Variants in PIBF1 observed in about 807,000 individuals in gnomAD.
The protein encoded by PIBF1 is progesterone immunomodulatory binding factor 1, also known as progesterone-induced-blocking factor 1.
PIBF1 carries 90 observed loss-of-function variants against 112.5 expected under a neutral mutation model. The observed-to-expected ratio is 0.80, with a 90% CI of 0.67 to 0.95. PIBF1 has a LOEUF of 0.95. Ranked by LOEUF, PIBF1 falls within the 40% of genes least tolerant of loss-of-function variation. The pLI is 0.00. For missense variants in PIBF1, 915 were observed against 852.3 expected (o/e 1.07, Z -0.92); for synonymous variants, 301 against 288.6 (o/e 1.04, Z -0.44).
rs1332072683 is a variant in PIBF1 at position 72,965,406 on chromosome 13, T to G, written c.1964+2T>G. 1 of 1,600,244 alleles carries G rather than the reference T, an allele frequency of 6.2e-7. No individual in the cohort carries two copies. The stretch of plus-strand genomic sequence containing the variant: ...TGCACAACTTGAGAAAGATGTCAGG[T>G]AAACCATCTACAAATCTTTTATTTG... On this transcript the variant is annotated splice_donor_variant, in intron 15 of 17. Transcript: ENST00000326291. LOFTEE classifies it high-confidence loss of function.
At chr13:72,835,194 T>C in intron 8 of PIBF1, 49 bp from the exon 9 acceptor site, 1 of 1,438,464 alleles carries the variant, frequency 7.0e-7, no homozygotes, top group Non-Finnish European at 9.3e-7. Flanking sequence ...TGCAAAAGCC[T>C]ATTTGTTTCA....
At chr13:72,997,283 C>T (rs1004371046) in intron 16 of PIBF1, among the ~76,000 whole-genome samples, 1 of 152,140 alleles carries the variant, frequency 6.6e-6, no homozygotes, top group East Asian at 1.9e-4. Flanking sequence ...TGAAATCTAC[C>T]ATAACACCAT....
Position 73,010,229 on chromosome 13 carries a change from GTT to G in PIBF1, c.2224-5622_2224-5621del, listed in dbSNP as rs35486011. Among the ~76,000 whole-genome samples the G allele has an allele frequency of 1.1e-3, 133 of 123,536 alleles. 1 individual carries two copies. Among genetic ancestry groups the G allele is most frequent in the African/African-American group, 2.9e-3 (94 of 32,784 alleles). 81.0% of individuals were successfully genotyped at this position (123,536 alleles called of 152,430 possible). On this transcript the variant is annotated intron_variant, in intron 17 of 17. Transcript: ENST00000326291. ...CAATACTCTAATATTTTCTATGCTA[GTT>G]TTTTTTTTTTTTTTTTTCTAAATTC...
chr13:72,858,012 A>T (rs1487673190), intron 10 of PIBF1, among the ~76,000 whole-genome samples: 1 of 58,870 alleles, frequency 1.7e-5, no homozygotes, highest in East Asian at 5.4e-4. Flanking sequence ...TATCAGAAGT[A>T]CAAATGTACA....
At chr13:72,924,818 T>C (rs1412886290) in intron 13 of PIBF1, among the ~76,000 whole-genome samples, 2 of 152,208 alleles carry the variant, frequency 1.3e-5, no homozygotes, top group Admixed American at 1.3e-4. Flanking sequence ...TGCATCTGTT[T>C]AGGGAGAAAT....
intron 13 of PIBF1, among the ~76,000 whole-genome samples, chr13:72,922,527 G>A (rs1324858159): frequency 6.6e-6 from 1 of 152,026 alleles, no homozygotes; most frequent in East Asian, 1.9e-4. Context: ...ATATGCCTCT[G>A]TGTTTGTTTT....
intron 2 of PIBF1, among the ~76,000 whole-genome samples, chr13:72,791,117 T>C (rs1032299005): frequency 7.2e-5 from 11 of 151,954 alleles, no homozygotes; most frequent in Non-Finnish European, 1.6e-4. Context: ...TGCAGTGGCA[T>C]GATCTCAGCT....
intron 9 of PIBF1, among the ~76,000 whole-genome samples, chr13:72,844,785 A>ACACG (rs1566348678): frequency 3.2e-5 from 4 of 124,988 alleles, no homozygotes; most frequent in African/African-American, 9.0e-5. Context: ...ACACACACAC[A>ACACG]CACACACACA....
intron 3 of PIBF1, 103 bp downstream of exon 3, chr13:72,792,650 T>TATATGA: frequency 1.6e-6 from 1 of 606,840 alleles, no homozygotes. Flanking sequence ...ATAGAGAAAT[T>TATATGA]TTAAGTCAGA....
chr13:72,943,708 A>ACTC (rs1566475509), intron 14 of PIBF1, among the ~76,000 whole-genome samples: 2 of 151,744 alleles, frequency 1.3e-5, no homozygotes, highest in African/African-American at 4.8e-5. Context: ...TTACCTTCGT[A>ACTC]CTCCTCAGTC....
At chr13:72,977,873 A>G (rs1040129459) in intron 16 of PIBF1, among the ~76,000 whole-genome samples, 1 of 152,202 alleles carries the variant, frequency 6.6e-6, no homozygotes, top group Non-Finnish European at 1.5e-5. Flanking sequence ...GCGAGAAAAT[A>G]TATTCAACAA....
rs200719376 is a variant in PIBF1 at position 72,966,177 on chromosome 13, AAGG to A, written c.1964+776_1964+778del. Among the ~76,000 whole-genome samples the A allele has an allele frequency of 8.5e-3, 1,292 of 152,292 alleles. 64 individuals carry two copies. Among genetic ancestry groups the A allele is most frequent in the East Asian group, 9.4e-3 (49 of 5,188 alleles). ...TTAAATCAAGGAATTGGAAAACAAT[AAGG>A]AGAAGATGGTTGTTAAATCCAGGTT... On this transcript the variant is annotated intron_variant, in intron 15 of 17. Coordinates refer to ENST00000326291, the MANE Select transcript of PIBF1 (RefSeq NM_006346.4).
chr13:72,809,648 G>A (rs892899929), intron 5 of PIBF1, among the ~76,000 whole-genome samples: 6 of 134,214 alleles, frequency 4.5e-5, no homozygotes, highest in African/African-American at 1.4e-4. Context: ...GGAGTGCAAT[G>A]GCATGATTTT....
intron 17 of PIBF1, among the ~76,000 whole-genome samples, chr13:73,012,487 A>T (rs1180127676): frequency 6.6e-6 from 1 of 151,816 alleles, no homozygotes; most frequent in Non-Finnish European, 1.5e-5. Context: ...GCACTTTGGG[A>T]GTGTGAGAGG....
At chr13:72,842,137 G>A (rs1218947995) in intron 9 of PIBF1, among the ~76,000 whole-genome samples, 1 of 152,136 alleles carries the variant, frequency 6.6e-6, no homozygotes, top group African/African-American at 2.4e-5. Context: ...TGCATAAGAT[G>A]GCTAGCTTAT....
intron 14 of PIBF1, among the ~76,000 whole-genome samples, chr13:72,950,295 G>A (rs2042262108): frequency 6.6e-6 from 1 of 152,120 alleles, no homozygotes; most frequent in African/African-American, 2.4e-5. Flanking sequence ...TTTATCTAGA[G>A]AGGTGTTTAG....
At chr13:72,964,205 G>A (rs373307109) in intron 14 of PIBF1, among the ~76,000 whole-genome samples, 3 of 152,140 alleles carry the variant, frequency 2.0e-5, no homozygotes, top group African/African-American at 2.4e-5. Context: ...CTTTGAAAAC[G>A]TCACACTAAG....
At chr13:72,947,779 G>A (rs1178738682) in intron 14 of PIBF1, among the ~76,000 whole-genome samples, 8 of 152,074 alleles carry the variant, frequency 5.3e-5, no homozygotes, top group African/African-American at 7.2e-5. Context: ...ATAAAAACAC[G>A]TGTACGCATA....
At chr13:72,802,733 C>T (rs980587516) in intron 5 of PIBF1, among the ~76,000 whole-genome samples, 25 of 151,964 alleles carry the variant, frequency 1.6e-4, no homozygotes, top group Non-Finnish European at 3.7e-4. Flanking sequence ...CAGGTGTGAA[C>T]TTTAGAAGAT....
Sources: gnomAD v4.1 joint callset for allele counts (sites outside exome capture counted in the v4.1 genomes callset) on GRCh38, gnomAD v4.1.1 for gene constraint, MANE v1.5 for transcripts, NCBI Gene and HGNC (gene_info 2026-07-23, HGNC 2026-07-21) for gene names.